The following HDAC9 variants were observed in gnomAD, a reference collection of about 807,000 sequenced individuals.
HDAC9 encodes MEF-2 interacting transcription repressor (MITR) protein.
Under a neutral mutation model 139.4 loss-of-function variants are expected in HDAC9, and 41 were observed. That is an observed-to-expected ratio of 0.29 (90% confidence interval 0.23 to 0.38). The LOEUF (loss-of-function observed/expected upper bound fraction) is 0.38, where lower values mean the gene tolerates loss of function less well. HDAC9 is among the 10% of genes least tolerant of loss of function. The probability of loss-of-function intolerance (pLI) is 1.00; values close to 1 mark genes in which losing one functional copy is unlikely to be tolerated. For missense variants in HDAC9, 1,147 were observed against 1,297.0 expected, an observed-to-expected ratio of 0.88 and a Z score of 1.78; for synonymous variants, 517 against 476.2, an observed-to-expected ratio of 1.09 and a Z score of -1.12.
At chr7:18,310,229 T>C (rs1182950909) in intron 1 of HDAC9, among the ~76,000 whole-genome samples, 1 of 152,174 alleles carries the variant, frequency 6.6e-6, no homozygotes, top group Non-Finnish European at 1.5e-5. Flanking sequence ...ATTTCAACTA[T>C]GGGAACTTTG....
intron 1 of HDAC9, among the ~76,000 whole-genome samples, chr7:18,404,380 A>G (rs149704850): frequency 2.8e-4 from 43 of 152,296 alleles, no homozygotes; most frequent in African/African-American, 1.0e-3. Flanking sequence ...TTTATCCTGA[A>G]TGAAAGAGCA....
At chr7:18,419,834 C>T (rs547817200) in intron 1 of HDAC9, among the ~76,000 whole-genome samples, 1 of 152,118 alleles carries the variant, frequency 6.6e-6, no homozygotes, top group Admixed American at 6.5e-5. Context: ...GGATATGTCA[C>T]TGGGTAGGTT....
chr7:18,375,724 T>C (rs1784947287), intron 1 of HDAC9, among the ~76,000 whole-genome samples: 1 of 152,144 alleles, frequency 6.6e-6, no homozygotes, highest in African/African-American at 2.4e-5. Flanking sequence ...GTGGTGGCCC[T>C]GCCCCTAGGG....
At chr7:18,403,205 A>G (rs968673125) in intron 1 of HDAC9, among the ~76,000 whole-genome samples, 1 of 152,208 alleles carries the variant, frequency 6.6e-6, no homozygotes, top group African/African-American at 2.4e-5. Flanking sequence ...AGTGAGGTAT[A>G]TACTTACATA....
chr7:18,946,089 T>C (rs535979300), intron 23 of HDAC9, among the ~76,000 whole-genome samples: 1 of 142,980 alleles, frequency 7.0e-6, no homozygotes, highest in South Asian at 2.3e-4. Flanking sequence ...ATCCATTCAT[T>C]ATGGCTCAGT....
chr7:18,882,271 T>C (rs1799794800), intron 22 of HDAC9, among the ~76,000 whole-genome samples: 1 of 152,136 alleles, frequency 6.6e-6, no homozygotes, highest in South Asian at 2.1e-4. Context: ...TCCTGTGTTC[T>C]ATAATATTTT....
At chr7:18,993,145 T>TAGAGACAGG (rs56743908) in intron 25 of HDAC9, among the ~76,000 whole-genome samples, 1 of 151,472 alleles carries the variant, frequency 6.6e-6, no homozygotes, top group African/African-American at 2.4e-5. Flanking sequence ...ACATATTTTT[T>TAGAGACAGG]GATTATATGA....
At chr7:18,275,902 A>G (rs117616288) in intron 2 of HDAC9, among the ~76,000 whole-genome samples, 3,612 of 152,248 alleles carry the variant, frequency 0.024, 67 homozygotes, top group Middle Eastern at 0.037. Flanking sequence ...TCTGCTTCCC[A>G]TGATAAAACA....
At chr7:18,869,454 C>T (rs903498216) in intron 21 of HDAC9, among the ~76,000 whole-genome samples, 4 of 152,048 alleles carry the variant, frequency 2.6e-5, no homozygotes, top group African/African-American at 9.7e-5. Context: ...TTCCTGAGGC[C>T]TCCCCAGAAG....
At position 18,496,163 on chromosome 7, in the gene HDAC9, C is replaced by A. The variant is rs571925570; in HGVS notation, c.-41-99C>A. 4 of 1,433,398 alleles carry A rather than the reference C, an allele frequency of 2.8e-6. No individual in the cohort carries two copies. In the South Asian group the frequency reaches 4.8e-5, roughly 17 times the overall value. 88.8% of individuals were successfully genotyped at this position (1,433,398 alleles called of 1,614,324 possible). The stretch of plus-strand genomic sequence containing the variant: ...AACCAGCGAGGGTAGCTCCTGGGGC[C>A]GGTGCACTGAGCAGTGATGAATGTT... On this transcript the variant is annotated intron_variant, in intron 1 of 25. Transcript: ENST00000686413.
In HDAC9 at chr7:18,591,449, C is replaced by A; in HGVS notation, c.416-67C>A. On this transcript the variant is annotated intron_variant, in intron 4 of 25. Transcript: ENST00000686413. ...TAGAGGCATGAGAGGACAAAACTCA[C>A]CATCAACATCTGTTTCTGTGTGTGT... 2.0e-6 allele frequency: 3 copies of A among 1,479,838 alleles called. No individual in the cohort carries two copies. The Admixed American group carries it at 6.7e-5, about 33-fold the overall frequency. The allele number at this position is 1,479,838 out of a possible 1,614,324, so 91.7% of individuals were successfully genotyped here.
chr7:18,392,623 A>G (rs1786639434), intron 1 of HDAC9, among the ~76,000 whole-genome samples: 1 of 152,158 alleles, frequency 6.6e-6, no homozygotes, highest in Non-Finnish European at 1.5e-5. Context: ...AGAGAATGGT[A>G]AGAGATTGAC....
At chr7:18,505,365 A>T (rs180872387) in intron 2 of HDAC9, among the ~76,000 whole-genome samples, 229 of 152,312 alleles carry the variant, frequency 1.5e-3, no homozygotes, top group African/African-American at 5.0e-3. Flanking sequence ...TCACCTTGGC[A>T]TTTACCTTGA....
intron 17 of HDAC9, among the ~76,000 whole-genome samples, chr7:18,816,303 T>C (rs540532674): frequency 6.6e-6 from 1 of 152,372 alleles, no homozygotes; most frequent in South Asian, 2.1e-4. Context: ...TTTCATATTA[T>C]TGTTGCCATA....
intron 12 of HDAC9, among the ~76,000 whole-genome samples, chr7:18,699,171 A>T (rs1001151384): frequency 8.5e-5 from 13 of 152,120 alleles, no homozygotes; most frequent in African/African-American, 2.9e-4. Context: ...CTCACACCTT[A>T]TTCTAAATTT....
intron 2 of HDAC9, among the ~76,000 whole-genome samples, chr7:18,498,381 G>A (rs1180152550): frequency 1.3e-5 from 2 of 152,002 alleles, no homozygotes; most frequent in African/African-American, 2.4e-5. Flanking sequence ...AACAGCCTGG[G>A]GATTGAGGTT....
At chr7:18,403,457 G>A (rs564696193) in intron 1 of HDAC9, among the ~76,000 whole-genome samples, 1 of 152,076 alleles carries the variant, frequency 6.6e-6, no homozygotes, top group Non-Finnish European at 1.5e-5. Context: ...TGTTGCACTT[G>A]TTATTTTCCT....
At chr7:18,200,045 A>T (rs1791008040) in intron 2 of HDAC9, among the ~76,000 whole-genome samples, 1 of 152,216 alleles carries the variant, frequency 6.6e-6, no homozygotes, top group Admixed American at 6.5e-5. Flanking sequence ...CACACTAATG[A>T]CTGATTTGCT....
Position 18,585,527 on chromosome 7 carries a change from C to G in HDAC9, c.264+5C>G. The G allele has an allele frequency of 6.2e-7, 1 of 1,612,982 alleles. No individual in the cohort carries two copies. The highest frequency in any genetic ancestry group is 8.5e-7 in the Non-Finnish European group (1 of 1,179,632). ...CAGCTTCAGGAGCATATCAAGGTAG[C>G]AAATGCTTCTTTGTCTGTGACCTTA... On this transcript the variant is annotated splice_donor_5th_base_variant and intron_variant, in intron 3 of 25. Transcript: ENST00000686413.
Sources: gnomAD v4.1 joint callset for allele counts (sites outside exome capture counted in the v4.1 genomes callset) on GRCh38, gnomAD v4.1.1 for gene constraint, MANE v1.5 for transcripts, NCBI Gene and HGNC (gene_info 2026-07-23, HGNC 2026-07-21) for gene names.